The following IKBIP variants were observed in gnomAD, a reference collection of about 807,000 sequenced individuals.
The protein encoded by IKBIP is inhibitor of nuclear factor kappa-B kinase-interacting protein.
A neutral mutation model predicts 31.0 loss-of-function variants in IKBIP; 28 were observed. The ratio of observed to expected loss-of-function variants is 0.90; its 90% confidence interval spans 0.67 to 1.24. IKBIP has a LOEUF of 1.24. Among genes scored for constraint, IKBIP ranks in the 50% most tolerant of loss-of-function variants. The pLI is 0.00. For synonymous variants in IKBIP, 164 were observed against 160.3 expected (o/e 1.02, Z -0.17); for missense variants, 453 against 441.9 (o/e 1.03, Z -0.23).
Position 98,626,709 on chromosome 12 carries a change from G to C in IKBIP, c.355C>G (p.Gln119Glu). ...AGGTTGGATACTTCCTGCTCAAACT[G>C]GGTCATCAAAGACATGGATGATGTA... ...EATSSMSLMT[Q>E]FEQEVSNLQD... The change falls in exon 3 of 3, where the codon CAG (glutamine) becomes GAG (glutamate). Residue 119 changes from glutamine to glutamate, a missense_variant. By Grantham distance (29) the Gln-to-Glu change is conservative. Transcript: ENST00000299157. The C allele has an allele frequency of 6.2e-7, 1 of 1,613,670 alleles. No individual in the cohort carries two copies. Among genetic ancestry groups the C allele is most frequent in the Non-Finnish European group, 8.5e-7 (1 of 1,179,858 alleles).
rs1026270610 is a variant in IKBIP, at chr12:98,625,158, G to A, written c.*772C>T. 2.1e-5 allele frequency: 21 copies of A among 985,066 alleles called. No homozygotes were observed. Among genetic ancestry groups the A allele is most frequent in the Non-Finnish European group, 2.5e-5 (21 of 829,772 alleles). The allele number at this position is 985,066 out of a possible 1,614,324, so 61.0% of individuals were successfully genotyped here. A position where few individuals can be genotyped will look rare whatever the true frequency, so the allele number is the denominator to read the frequency against. On this transcript the variant is annotated 3_prime_UTR_variant, in exon 3 of 3. Transcript: ENST00000299157. ...ATCTAGCAAACTCATGTCTAACACA[G>A]TTGGAACCTAAAACTCAGGTATATA...
rs2097635981 is a variant in IKBIP, at chr12:98,644,468, C to A, written c.179+55G>T. 2.7e-6 allele frequency: 4 copies of A among 1,499,310 alleles called. 1 individual carries two copies. The Admixed American group carries it at 8.9e-5, about 33-fold the overall frequency. 92.9% of individuals were successfully genotyped at this position (1,499,310 alleles called of 1,614,324 possible). On this transcript the variant is annotated intron_variant, in intron 1 of 2. Transcript: ENST00000299157. The stretch of plus-strand genomic sequence containing the variant: ...GCTGGATGTTGAGCCGGGTGGGAGC[C>A]CAAACAGCAGGGGGCCCACAGGAGG...
chr12:98,626,179 C>A lies in IKBIP; in HGVS notation c.885G>T (p.Lys295Asn). 2 of 1,613,734 alleles carry A rather than the reference C, an allele frequency of 1.2e-6. No homozygotes were observed. Among genetic ancestry groups the A allele is most frequent in the Non-Finnish European group, 1.7e-6 (2 of 1,179,792 alleles). ...TCTGCATAGTCAAGTCTTCCATTTTCTTTTCTGTTTCTATCAGATCCTGAG... is the reference window on the plus strand; with the variant it reads ...TCTGCATAGTCAAGTCTTCCATTTTATTTTCTGTTTCTATCAGATCCTGAG... ...RVSQDLIETEKKMEDLTMQMF... is the reference protein window; with the variant it reads ...RVSQDLIETENKMEDLTMQMF... Residue 295 changes from lysine to asparagine, a missense_variant, in exon 3 of 3, where the codon AAG becomes AAT. Coordinates refer to ENST00000299157, the MANE Select transcript of IKBIP (RefSeq NM_153687.4).
Position 98,625,828 on chromosome 12 carries a change from C to T in IKBIP, c.*102G>A. Reference sequence around the variant, plus strand: ...TTGTGTGGACATCTCATTTATTTTCCAATAATGTAGGATAAGATGAGGCGT... The same window carrying T: ...TTGTGTGGACATCTCATTTATTTTCTAATAATGTAGGATAAGATGAGGCGT... On this transcript the variant is annotated 3_prime_UTR_variant, in exon 3 of 3. Coordinates refer to ENST00000299157, the MANE Select transcript of IKBIP (RefSeq NM_153687.4). 5 of 998,928 alleles carry T rather than the reference C, an allele frequency of 5.0e-6. No individual in the cohort carries two copies. The highest frequency in any genetic ancestry group is 5.4e-6 in the Non-Finnish European group (4 of 746,734). The allele number at this position is 998,928 out of a possible 1,614,324, so 61.9% of individuals were successfully genotyped here.
chr12:98,616,270 C>T (rs532221608), intron 2 of IKBIP, among the ~76,000 whole-genome samples: 28 of 152,140 alleles, frequency 1.8e-4, no homozygotes, highest in African/African-American at 6.3e-4. Context: ...TTTCCATATA[C>T]CTGTTGGCCA....
In IKBIP at chr12:98,644,770, T is replaced by C; in HGVS notation, c.-69A>G. ...CAGGGGGAGCAGGACGTGGCCGCCT[T>C]GGCGTTCGTGGGAACCCTGGGCGGT... On this transcript the variant is annotated 5_prime_UTR_variant, in exon 1 of 3. Coordinates refer to ENST00000299157, the MANE Select transcript of IKBIP (RefSeq NM_153687.4). The C allele has an allele frequency of 2.0e-6, 3 of 1,534,456 alleles. No homozygotes were observed. The highest frequency in any genetic ancestry group is 2.6e-6 in the Non-Finnish European group (3 of 1,136,708).
intron 2 of IKBIP, among the ~76,000 whole-genome samples, chr12:98,631,166 TC>T (rs1459041078): frequency 6.6e-6 from 1 of 152,050 alleles, no homozygotes; most frequent in Non-Finnish European, 1.5e-5. Flanking sequence ...ACTTCTGACC[TC>T]AGGTGATCCA....
At position 98,626,239 on chromosome 12, in the gene IKBIP, T is replaced by G. The variant is rs1292970700; in HGVS notation, c.825A>C (p.Thr275=). The part of the protein sequence containing the change: ...KVEECKTHLP[T]IESAIHSVLR... ...GAACAGAGTGAATAGCACTTTCAAT[T>G]GTTGGCAAATGTGTCTTGCATTCTT... Residue 275 remains threonine (T), a synonymous_variant, in exon 3 of 3, where the codon ACA becomes ACC. Transcript: ENST00000299157. The G allele has an allele frequency of 8.7e-6, 14 of 1,614,060 alleles. No homozygotes were observed. The highest frequency in any genetic ancestry group is 1.1e-5 in the Non-Finnish European group (13 of 1,180,012).
chr12:98,626,332 T>C lies in IKBIP; in HGVS notation c.732A>G (p.Glu244=), dbSNP rs1023160283. ...DTKAIEKLEE[E]QHALFARDED... is the part of the protein sequence containing the mutation. ...CATCTCTGGCAAAGAGGGCATGCTG[T>C]TCCTCTTCTAACTTTTCAATTGCCT... Residue 244 remains glutamate, a synonymous_variant, in exon 3 of 3, where the codon GAA becomes GAG. Coordinates refer to ENST00000299157, the MANE Select transcript of IKBIP (RefSeq NM_153687.4). 8 of 1,614,038 alleles carry C rather than the reference T, an allele frequency of 5.0e-6. No homozygotes were observed. The highest frequency in any genetic ancestry group is 6.8e-6 in the Non-Finnish European group (8 of 1,179,924).
intron 1 of IKBIP, among the ~76,000 whole-genome samples, chr12:98,634,795 C>T (rs1425959945): frequency 7.3e-5 from 11 of 150,024 alleles, no homozygotes; most frequent in South Asian, 2.1e-4. Flanking sequence ...CTGCAAGCTC[C>T]GCCTCCTGGG....
intron 2 of IKBIP, among the ~76,000 whole-genome samples, chr12:98,627,325 A>T (rs1405848822): frequency 6.6e-6 from 1 of 151,902 alleles, no homozygotes. Flanking sequence ...TAGATATTTC[A>T]GCATTTCTAT....
intron 2 of IKBIP, among the ~76,000 whole-genome samples, chr12:98,618,104 C>T (rs986573624): frequency 8.6e-5 from 13 of 152,042 alleles, no homozygotes; most frequent in African/African-American, 2.7e-4. Context: ...AGGAGTTTGA[C>T]GCTGTAGTGT....
At chr12:98,613,999 A>T (rs1565835763) in exon 3 of IKBIP, 1 of 1,610,286 alleles carries the variant, frequency 6.2e-7, no homozygotes, top group Non-Finnish European at 8.5e-7. Context: ...GATCACCTAT[A>T]TTTTTTACTG....
chr12:98,626,141 T>C lies in IKBIP; in HGVS notation c.923A>G (p.Glu308Gly), dbSNP rs371562420. 6.2e-7 allele frequency: 1 copy of C among 1,610,738 alleles called. No individual in the cohort carries two copies. Among genetic ancestry groups the C allele is most frequent in the Non-Finnish European group, 8.5e-7 (1 of 1,177,806 alleles). ...EDLTMQMFNM[E>G]DDMLKAVSEI... ...AGACACTGCTTTCAGCATATCATCT[T>C]CCATATTAAACATCTGCATAGTCAA... The change falls in exon 3 of 3, where the codon GAA becomes GGA. Residue 308 changes from glutamate (E) to glycine (G), a missense_variant. Transcript: ENST00000299157.
intron 2 of IKBIP, among the ~76,000 whole-genome samples, chr12:98,618,766 A>C (rs533977967): frequency 1.3e-5 from 2 of 152,184 alleles, no homozygotes; most frequent in Non-Finnish European, 2.9e-5. Flanking sequence ...TCTTTCTTAA[A>C]TTGTATTTGG....
intron 2 of IKBIP, among the ~76,000 whole-genome samples, chr12:98,617,312 C>T (rs1024641317): frequency 6.6e-6 from 1 of 152,210 alleles, no homozygotes; most frequent in Non-Finnish European, 1.5e-5. Context: ...TTCTTCCCCA[C>T]TATACATTAT....
At chr12:98,644,445 T>A (rs2153302044) in intron 1 of IKBIP, 78 bp downstream of exon 1, 1 of 1,408,748 alleles carries the variant, frequency 7.1e-7, no homozygotes. Context: ...CACCTCCGGC[T>A]GGATGTTGAG....
chr12:98,632,499 AAAAAAAAAAAAAAATATATATATAT>A (rs2097621269), intron 2 of IKBIP, among the ~76,000 whole-genome samples: 1 of 64,848 alleles, frequency 1.5e-5, no homozygotes, highest in African/African-American at 6.2e-5. Flanking sequence ...AAAAAAAAAA[AAAAAAAAAAAAAAATATATATATAT>A]ATATATATAT....
chr12:98,642,599 C>CTTTTTTT (rs11380575), intron 1 of IKBIP, among the ~76,000 whole-genome samples: 4 of 115,276 alleles, frequency 3.5e-5, no homozygotes, highest in Admixed American at 1.0e-4. Flanking sequence ...ATGCTATCTG[C>CTTTTTTT]TTTTTTTTTT....
Sources: allele counts gnomAD v4.1 joint callset (sites outside exome capture counted in the v4.1 genomes callset), GRCh38; gene constraint gnomAD v4.1.1; transcripts MANE v1.5; gene names NCBI Gene and HGNC (gene_info 2026-07-23, HGNC 2026-07-21).